Variants in DENND2C observed in about 807,000 individuals in gnomAD.
The protein encoded by DENND2C is DENN domain containing 2C.
A neutral mutation model predicts 112.4 loss-of-function variants in DENND2C; 72 were observed. That is an observed-to-expected ratio of 0.64 (90% CI 0.53 to 0.78). DENND2C has a LOEUF of 0.78. Ranked by LOEUF, DENND2C falls within the 30% of genes least tolerant of loss-of-function variation. The probability of loss-of-function intolerance (pLI) is 0.00; values close to 1 mark genes in which losing one functional copy is unlikely to be tolerated. For missense variants in DENND2C, 992 were observed against 1,113.8 expected, an observed-to-expected ratio of 0.89 and a Z score of 1.56; for synonymous variants, 329 against 381.6, an observed-to-expected ratio of 0.86 and a Z score of 1.61.
At chr1:114,601,653 C>A in intron 12 of DENND2C, 68 bp from the exon 13 acceptor site, 3 of 1,377,800 alleles carry the variant, frequency 2.2e-6, no homozygotes, top group Non-Finnish European at 3.1e-6. Flanking sequence ...CTAATTTGGA[C>A]TATTAATTAT....
intron 1 of DENND2C, among the ~76,000 whole-genome samples, chr1:114,660,967 C>T (rs1179801101): frequency 2.0e-5 from 3 of 151,828 alleles, no homozygotes; most frequent in South Asian, 2.1e-4. Context: ...AAAAATCAGC[C>T]GGGCATGGTG....
rs1425437261 is a variant in DENND2C, at chr1:114,628,075, GCAGGAGCATCACTTGAGGC to G, written c.-204-1906_-204-1888del. 2.6e-5 allele frequency among the ~76,000 whole-genome samples: 4 copies of G among 152,186 alleles called. No individual in the cohort carries two copies. In the East Asian group the frequency reaches 7.7e-4, roughly 29 times the overall value. On this transcript the variant is annotated intron_variant, in intron 3 of 20. Transcript: ENST00000393274. The stretch of plus-strand genomic sequence containing the variant: ...CATCCCAGGACTTTAGGATGCTGAG[GCAGGAGCATCACTTGAGGC>G]CAGGAGTTTGCGACCAGCCTGGGCA...
In DENND2C at chr1:114,637,049, A is replaced by C. The variant is rs1056161939; in HGVS notation, c.-205+8399T>G. On this transcript the variant is annotated intron_variant, in intron 3 of 20. Transcript: ENST00000393274. Reference sequence around the variant, plus strand: ...CACTTGAGGTCAGGAGTTCGAGACCAGCCTGGGCAATATGGTTAAACCCTG... The same window carrying C: ...CACTTGAGGTCAGGAGTTCGAGACCCGCCTGGGCAATATGGTTAAACCCTG... Among the ~76,000 whole-genome samples, 33 of 151,896 alleles carry C rather than the reference A, an allele frequency of 2.2e-4. 1 individual carries two copies. The highest frequency in any genetic ancestry group is 7.7e-4 in the African/African-American group (32 of 41,460).
Position 114,624,535 on chromosome 1 carries a change from T to C in DENND2C, c.806+644A>G, listed in dbSNP as rs578062051. Among the ~76,000 whole-genome samples, 354 of 152,106 alleles carry C rather than the reference T, an allele frequency of 2.3e-3. 1 individual carries two copies. The highest frequency in any genetic ancestry group is 4.2e-3 in the Non-Finnish European group (284 of 67,978). ...TAGTGTTTGGCTGGTCTTGAACTCC[T>C]GGCCTCAAGTGATCCTCCTGCCCCA... is the stretch of plus-strand genomic sequence containing the variant. On this transcript the variant is annotated intron_variant, in intron 4 of 20. Transcript: ENST00000393274.
At chr1:114,590,261 A>C (rs562005170) in intron 18 of DENND2C, among the ~76,000 whole-genome samples, 2 of 152,246 alleles carry the variant, frequency 1.3e-5, no homozygotes, top group South Asian at 4.1e-4. Flanking sequence ...GTGGTGGCAC[A>C]GAAGTGTGGT....
At position 114,599,430 on chromosome 1, in the gene DENND2C, A is replaced by G. The variant is rs373650502; in HGVS notation, c.2127T>C (p.His709=). The change falls in exon 16 of 21, where the codon CAT becomes CAC. Residue 709 remains histidine (H), a synonymous_variant. Transcript: ENST00000393274. ...ACGGATACAGTGTAGCTACCACAGC[A>G]TGGCCACATTTTGACAGGGTGCTAG... ...NSLSTLSKCG[H]AVVATLYPFT... 16 of 1,613,796 alleles carry G rather than the reference A, an allele frequency of 9.9e-6. No individual in the cohort carries two copies. Among genetic ancestry groups the G allele is most frequent in the Non-Finnish European group, 1.2e-5 (14 of 1,179,898 alleles).
rs144505791 is a variant in DENND2C, at chr1:114,618,435, C to T, written c.1275G>A (p.Lys425=). 43 of 1,594,444 alleles carry T rather than the reference C, an allele frequency of 2.7e-5. No homozygotes were observed. The African/African-American group carries it at 5.4e-4, about 20-fold the overall frequency. ...CAGTGTAAGAATGTAACTTTACCTT[C>T]TTCTTCCCTCTTTTAGATTCAAATA... is the stretch of plus-strand genomic sequence containing the variant. ...DDIFESKRGK[K]KVKLHSYTGK... Residue 425 remains lysine (K), a synonymous_variant, in exon 8 of 21, where the codon AAG becomes AAA. Coordinates refer to ENST00000393274, the MANE Select transcript of DENND2C (RefSeq NM_001256404.2).
intron 1 of DENND2C, among the ~76,000 whole-genome samples, chr1:114,661,402 C>T (rs1232816708): frequency 6.6e-6 from 1 of 152,098 alleles, no homozygotes; most frequent in Non-Finnish European, 1.5e-5. Context: ...CCATTTTTCC[C>T]TTATGCCACT....
intron 1 of DENND2C, among the ~76,000 whole-genome samples, chr1:114,655,619 G>A (rs1338241410): frequency 6.6e-6 from 1 of 151,868 alleles, no homozygotes; most frequent in African/African-American, 2.4e-5. Context: ...GAGTAGCTGG[G>A]ATTACAGGCG....
rs1478133548 is a variant in DENND2C, at chr1:114,600,912, A to G, written c.1864T>C (p.Tyr622His). ...TCCATGACACTTCGCATGAATGGGTAAACAAGGGCTGGAGACATTTCTCTT... is the reference window on the plus strand; with the variant it reads ...TCCATGACACTTCGCATGAATGGGTGAACAAGGGCTGGAGACATTTCTCTT... ...KRREMSPALV[Y>H]PFMRSVMEAP... The change falls in exon 14 of 21, where the codon TAC (tyrosine) becomes CAC (histidine). Residue 622 changes from tyrosine to histidine, a missense_variant. Tyr to His is a moderately conservative substitution (Grantham distance 83). This residue lies in a region of DENND2C where 516 missense variants were observed against 623.6 expected (regional missense o/e 0.83). Transcript: ENST00000393274. The G allele has an allele frequency of 6.2e-7, 1 of 1,613,946 alleles. No individual in the cohort carries two copies. The highest frequency in any genetic ancestry group is 8.5e-7 in the Non-Finnish European group (1 of 1,179,934).
At chr1:114,617,004 G>A (rs1296854987) in intron 8 of DENND2C, among the ~76,000 whole-genome samples, 1 of 152,134 alleles carries the variant, frequency 6.6e-6, no homozygotes, top group Non-Finnish European at 1.5e-5. Context: ...CGAAGCAAAT[G>A]CAGAAACCCC....
chr1:114,602,151 A>G lies in DENND2C; in HGVS notation c.1711T>C (p.Trp571Arg). The G allele has an allele frequency of 6.2e-7, 1 of 1,613,936 alleles. No homozygotes were observed. Residue 571 changes from tryptophan to arginine, a missense_variant, in exon 12 of 21, where the codon TGG becomes CGG. Physicochemically the swap from Trp to Arg is moderately radical, Grantham distance 101. Coordinates refer to ENST00000393274, the MANE Select transcript of DENND2C (RefSeq NM_001256404.2). ...FVLTGEDGSR[W>R]FGYCKKLLPV... ...AAGAGCTTCTTACAGTAACCAAACCACCGGCTTCCATCTTCACCAGTCAAG... is the reference window on the plus strand; with the variant it reads ...AAGAGCTTCTTACAGTAACCAAACCGCCGGCTTCCATCTTCACCAGTCAAG...
intron 18 of DENND2C, among the ~76,000 whole-genome samples, chr1:114,594,210 T>C (rs1655276453): frequency 1.3e-5 from 2 of 152,142 alleles, no homozygotes; most frequent in African/African-American, 4.8e-5. Context: ...GATGTGAGCA[T>C]GGACCTACAG....
intron 3 of DENND2C, among the ~76,000 whole-genome samples, chr1:114,630,710 G>A (rs1656466501): frequency 6.6e-6 from 1 of 152,188 alleles, no homozygotes; most frequent in South Asian, 2.1e-4. Context: ...AATCTACATA[G>A]AGTCCCCTTG....
chr1:114,629,526 G>A (rs1553235644), intron 3 of DENND2C, among the ~76,000 whole-genome samples: 1 of 152,102 alleles, frequency 6.6e-6, no homozygotes, highest in Non-Finnish European at 1.5e-5. Flanking sequence ...TGATCCACCC[G>A]CCTTAGCCTC....
At chr1:114,634,183 G>C (rs1656584127) in intron 3 of DENND2C, among the ~76,000 whole-genome samples, 1 of 152,008 alleles carries the variant, frequency 6.6e-6, no homozygotes, top group South Asian at 2.1e-4. Flanking sequence ...TTTTAGTTGG[G>C]GATTTTAACT....
rs1656246497 is a variant in DENND2C, at chr1:114,623,558, A to G, written c.892T>C (p.Ser298Pro). 1.9e-6 allele frequency: 3 copies of G among 1,610,484 alleles called. No homozygotes were observed. Among genetic ancestry groups the G allele is most frequent in the African/African-American group, 2.7e-5 (2 of 74,804 alleles). The change falls in exon 5 of 21, where the codon TCA becomes CCA. Residue 298 changes from serine (S) to proline (P), a missense_variant. Around this residue, in one of 3 missense-constraint regions of DENND2C, gnomAD observed 470 missense variants for 472.7 expected, o/e 0.99. Transcript: ENST00000393274. The stretch of plus-strand genomic sequence containing the variant: ...TCAGACTGTGTGTAATAAAGTGCTG[A>G]CCCAGAATTTCTTCCAAGTTCTTCA... Reference protein sequence around the residue: ...IREELGRNSGSALYYTQSEDN... With the variant: ...IREELGRNSGPALYYTQSEDN...
rs568045984 is a variant in DENND2C at position 114,611,280 on chromosome 1, CA to C, written c.1325-164del. ...GGTTGTATCAAGTTGGGATAGTTACCAAAAGAGAGTAAAAAGCTCAAAGAGG... is the reference window on the plus strand; with the variant it reads ...GGTTGTATCAAGTTGGGATAGTTACCAAAGAGAGTAAAAAGCTCAAAGAGG... On this transcript the variant is annotated intron_variant, in intron 8 of 20. Coordinates refer to ENST00000393274, the MANE Select transcript of DENND2C (RefSeq NM_001256404.2). Among the ~76,000 whole-genome samples, 224 of 152,238 alleles carry C rather than the reference CA, an allele frequency of 1.5e-3. 1 individual carries two copies. Among genetic ancestry groups the C allele is most frequent in the African/African-American group, 5.1e-3 (210 of 41,544 alleles).
Position 114,605,534 on chromosome 1 carries a change from G to A in DENND2C, c.1558-503C>T, listed in dbSNP as rs191997421. Among the ~76,000 whole-genome samples, 410 of 152,366 alleles carry A rather than the reference G, an allele frequency of 2.7e-3. 2 individuals carry two copies. The highest frequency in any genetic ancestry group is 4.6e-3 in the Non-Finnish European group (312 of 68,036). Reference sequence around the variant, plus strand: ...AAGATACGGCCAGATGCACTGGCCTGTAATCCCAGCACTTTGGGAGCCCAA... The same window carrying A: ...AAGATACGGCCAGATGCACTGGCCTATAATCCCAGCACTTTGGGAGCCCAA... On this transcript the variant is annotated intron_variant, in intron 10 of 20. Coordinates refer to ENST00000393274, the MANE Select transcript of DENND2C (RefSeq NM_001256404.2).
Sources: gnomAD v4.1 joint callset for allele counts (sites outside exome capture counted in the v4.1 genomes callset) on GRCh38, gnomAD v4.1.1 for gene constraint, gnomAD v4.1.1 regional missense constraint, MANE v1.5 for transcripts, NCBI Gene and HGNC (gene_info 2026-07-23, HGNC 2026-07-21) for gene names.